Variants in FOCAD observed in about 807,000 individuals in gnomAD.
FOCAD encodes focadhesin, also known as KIAA1797.
A neutral mutation model predicts 225.6 loss-of-function variants in FOCAD; 198 were observed. The ratio of observed to expected loss-of-function variants is 0.88; its 90% CI spans 0.78 to 0.99. The LOEUF (loss-of-function observed/expected upper bound fraction) is 0.99, where lower values mean the gene tolerates loss of function less well. Among genes scored for constraint, FOCAD ranks in the 50% least tolerant of loss-of-function variants. The pLI, the probability that FOCAD is intolerant of heterozygous loss-of-function variation, is 0.00. For missense variants in FOCAD, 2,713 were observed against 2,123.6 expected (o/e 1.28, Z -5.46); for synonymous variants, 897 against 755.0 (o/e 1.19, Z -3.08).
At chr9:20,821,996 TAAAAAA>T (rs58640962) in intron 14 of FOCAD, among the ~76,000 whole-genome samples, 26 of 49,338 alleles carry the variant, frequency 5.3e-4, no homozygotes, top group Non-Finnish European at 7.9e-4. Flanking sequence ...TAAAAGTTAC[TAAAAAA>T]AAAAAAAAAA....
intron 6 of FOCAD, among the ~76,000 whole-genome samples, chr9:20,759,525 C>T (rs1244327603): frequency 6.6e-6 from 1 of 152,168 alleles, no homozygotes; most frequent in Non-Finnish European, 1.5e-5. Flanking sequence ...AAAGCTGAAA[C>T]TGGATCCCTT....
At chr9:20,736,921 ATAT>A (rs1294746367) in intron 4 of FOCAD, among the ~76,000 whole-genome samples, 1 of 151,744 alleles carries the variant, frequency 6.6e-6, no homozygotes, top group African/African-American at 2.4e-5. Flanking sequence ...GTAAATCATA[ATAT>A]TTATTAAACA....
chr9:20,870,198 A>G (rs758923160), intron 18 of FOCAD, among the ~76,000 whole-genome samples: 7 of 152,168 alleles, frequency 4.6e-5, no homozygotes, highest in Non-Finnish European at 8.8e-5. Flanking sequence ...AAATAATATA[A>G]AAGAACTGAT....
chr9:20,873,554 C>G (rs939223775), intron 18 of FOCAD, among the ~76,000 whole-genome samples: 1 of 152,156 alleles, frequency 6.6e-6, no homozygotes, highest in Non-Finnish European at 1.5e-5. Flanking sequence ...GAATTAGGTA[C>G]TTAATACTGA....
At chr9:20,662,875 A>G (rs1306757509) in intron 2 of FOCAD, among the ~76,000 whole-genome samples, 3 of 152,256 alleles carry the variant, frequency 2.0e-5, no homozygotes, top group East Asian at 1.9e-4. Context: ...TATACTTAAT[A>G]GAAAAATCAA....
intron 15 of FOCAD, among the ~76,000 whole-genome samples, chr9:20,827,177 C>G (rs554968026): frequency 6.6e-6 from 1 of 152,088 alleles, no homozygotes; most frequent in South Asian, 2.1e-4. Context: ...AACTCCATAC[C>G]GTTTAGATGT....
chr9:20,804,155 G>T (rs1304026308), intron 11 of FOCAD, among the ~76,000 whole-genome samples: 1 of 152,056 alleles, frequency 6.6e-6, no homozygotes, highest in Non-Finnish European at 1.5e-5. Context: ...AGGTTTACAA[G>T]TAGAAGTCTC....
At chr9:20,918,723 CA>C (rs59430546) in intron 24 of FOCAD, among the ~76,000 whole-genome samples, 52,462 of 114,480 alleles carry the variant, frequency 0.46, 8,895 homozygotes, top group East Asian at 0.52. Context: ...GACTCCGTCT[CA>C]AAAAAAAAAA....
At position 20,804,034 on chromosome 9, in the gene FOCAD, G is replaced by A. The variant is rs192595841; in HGVS notation, c.1455+14426G>A. ...TAATCTCAAGTTTAGGCTTCAGTGG[G>A]CATTGATTGATAATGCCGAACCATT... On this transcript the variant is annotated intron_variant, in intron 11 of 43. Coordinates refer to ENST00000338382, the MANE Select transcript of FOCAD (RefSeq NM_001375567.1). 1.4e-3 allele frequency among the ~76,000 whole-genome samples: 217 copies of A among 152,176 alleles called. 3 individuals carry two copies. The highest frequency in any genetic ancestry group is 4.9e-3 in the African/African-American group (205 of 41,540).
intron 10 of FOCAD, chr9:20,787,170 A>G (rs1290973244): frequency 6.1e-6 from 1 of 163,848 alleles, no homozygotes; most frequent in Non-Finnish European, 1.3e-5. Context: ...TTTCTGTTTC[A>G]TTGTTTACTC....
intron 11 of FOCAD, among the ~76,000 whole-genome samples, chr9:20,790,444 T>C (rs1295238486): frequency 1.3e-5 from 2 of 152,032 alleles, no homozygotes; most frequent in African/African-American, 2.4e-5. Flanking sequence ...AGGAAAAAAT[T>C]TGATGGTAGA....
chr9:20,778,089 C>CAAAAAA (rs1184354592), intron 8 of FOCAD, among the ~76,000 whole-genome samples: 9 of 84,168 alleles, frequency 1.1e-4, no homozygotes, highest in South Asian at 4.6e-4. Context: ...GACTCCGTCT[C>CAAAAAA]AAAAAAAAAA....
intron 35 of FOCAD, among the ~76,000 whole-genome samples, 169 bp downstream of exon 35, chr9:20,953,234 A>C (rs10511693): frequency 1.3e-5 from 2 of 152,140 alleles, no homozygotes. Context: ...AGCTAGCTAC[A>C]ATAATTGGTA....
At chr9:20,986,986 G>C (rs923363821) in intron 40 of FOCAD, among the ~76,000 whole-genome samples, 1 of 152,116 alleles carries the variant, frequency 6.6e-6, no homozygotes, top group Non-Finnish European at 1.5e-5. Context: ...CGTTTTAGAC[G>C]TTATGCTTTA....
intron 15 of FOCAD, among the ~76,000 whole-genome samples, chr9:20,831,747 A>G (rs894655510): frequency 5.9e-5 from 9 of 152,064 alleles, no homozygotes. Flanking sequence ...TCTATAGTGC[A>G]TAATTTAGTG....
At chr9:20,687,594 G>A (rs757883253) in intron 1 of FOCAD, among the ~76,000 whole-genome samples, 4 of 152,166 alleles carry the variant, frequency 2.6e-5, no homozygotes, top group Non-Finnish European at 4.4e-5. Flanking sequence ...GGACATACAC[G>A]TGGAGAAGAA....
At chr9:20,727,171 G>T (rs539392500) in intron 4 of FOCAD, among the ~76,000 whole-genome samples, 1 of 151,794 alleles carries the variant, frequency 6.6e-6, no homozygotes, top group Middle Eastern at 3.4e-3. Flanking sequence ...CCTTCCTTTT[G>T]TTCCCCAATC....
intron 16 of FOCAD, 115 bp downstream of exon 16, chr9:20,862,827 C>A: frequency 1.6e-6 from 2 of 1,228,364 alleles, no homozygotes; most frequent in Non-Finnish European, 2.2e-6. Context: ...TGTTCTGAGA[C>A]CATGTTGATA....
rs759414898 is a variant in FOCAD, at chr9:20,990,133, T to A, written c.5015T>A (p.Phe1672Tyr). The part of the protein sequence containing the change: ...HNTALDKALD[F>Y]FLLIFATAVV... ...CTATTTTCATCGTAGGCTTTGGACT[T>A]CTTCTTGCTGATATTTGCAACCGCA... is the stretch of plus-strand genomic sequence containing the variant. The change falls in exon 42 of 44, where the codon TTC becomes TAC. Residue 1672 changes from phenylalanine (F) to tyrosine (Y), a missense_variant. Phe to Tyr is a conservative substitution (Grantham distance 22). Transcript: ENST00000338382. The A allele has an allele frequency of 6.2e-7, 1 of 1,614,188 alleles. No homozygotes were observed. Among genetic ancestry groups the A allele is most frequent in the Non-Finnish European group, 8.5e-7 (1 of 1,180,006 alleles).
Sources: gnomAD v4.1 joint callset for allele counts (sites outside exome capture counted in the v4.1 genomes callset) on GRCh38, gnomAD v4.1.1 for gene constraint, MANE v1.5 for transcripts, NCBI Gene and HGNC (gene_info 2026-07-23, HGNC 2026-07-21) for gene names.